SLC8A1: variants seen among roughly 807,000 people sequenced by gnomAD.
SLC8A1 encodes sodium/calcium exchanger 1.
Under a neutral mutation model 68.3 loss-of-function variants are expected in SLC8A1, and 18 were observed. The ratio of observed to expected loss-of-function variants is 0.26; its 90% CI spans 0.18 to 0.39. The LOEUF (loss-of-function observed/expected upper bound fraction) is 0.39, where lower values mean the gene tolerates loss of function less well. Among genes scored for constraint, SLC8A1 ranks in the 10% least tolerant of loss-of-function variants. The pLI is 1.00. For synonymous variants in SLC8A1, 475 were observed against 415.5 expected (o/e 1.14, Z -1.74); for missense variants, 985 against 1,156.7 (o/e 0.85, Z 2.15).
chr2:40,234,372 G>C (rs2060083398), intron 2 of SLC8A1, among the ~76,000 whole-genome samples: 1 of 151,986 alleles, frequency 6.6e-6, no homozygotes, highest in Non-Finnish European at 1.5e-5. Flanking sequence ...TTGTGAATGG[G>C]AGTTCACTCA....
intron 2 of SLC8A1, among the ~76,000 whole-genome samples, chr2:40,300,416 A>G (rs543527035): frequency 6.6e-6 from 1 of 152,126 alleles, no homozygotes; most frequent in African/African-American, 2.4e-5. Context: ...TAGAAGTTCG[A>G]GTGTTTAAAA....
exon 8 of SLC8A1, chr2:40,110,730 A>G (rs2034505667): frequency 6.6e-6 from 1 of 152,160 alleles, no homozygotes; most frequent in Non-Finnish European, 1.5e-5. Flanking sequence ...ACTGCCCAAA[A>G]TCATAGTCAG....
chr2:40,248,105 C>T (rs1239994714), intron 2 of SLC8A1, among the ~76,000 whole-genome samples: 1 of 152,114 alleles, frequency 6.6e-6, no homozygotes, highest in Non-Finnish European at 1.5e-5. Context: ...AAAAACTGCA[C>T]TCCATGGAGT....
At chr2:40,355,496 T>C (rs1418608437) in intron 2 of SLC8A1, among the ~76,000 whole-genome samples, 3 of 152,128 alleles carry the variant, frequency 2.0e-5, no homozygotes, top group Admixed American at 6.6e-5. Flanking sequence ...ACTTCTATCA[T>C]GCCAAGCTAA....
At chr2:40,160,659 C>A in intron 6 of SLC8A1, 106 bp downstream of exon 9, 1 of 895,378 alleles carries the variant, frequency 1.1e-6, no homozygotes. Flanking sequence ...CTTAATTTTG[C>A]CATGGAAGCC....
At chr2:40,356,294 GC>G (rs2149462577) in intron 2 of SLC8A1, among the ~76,000 whole-genome samples, 1 of 152,202 alleles carries the variant, frequency 6.6e-6, no homozygotes, top group Admixed American at 6.5e-5. Flanking sequence ...TGTAGTGACT[GC>G]CACATAGGAA....
rs1479960308 is a variant in SLC8A1, at chr2:40,327,637, C to T, written c.1808+100836G>A. On this transcript the variant is annotated intron_variant, in intron 2 of 7. Transcript: ENST00000406785. ...GGATGCAGCTGGAGGTCATTATCTTCAGTGAATTAATGCAGGAACAGAAAA... is the reference window on the plus strand; with the variant it reads ...GGATGCAGCTGGAGGTCATTATCTTTAGTGAATTAATGCAGGAACAGAAAA... Among the ~76,000 whole-genome samples the T allele has an allele frequency of 2.6e-5, 4 of 152,094 alleles. No homozygotes were observed. The East Asian group carries it at 7.7e-4, about 29-fold the overall frequency.
chr2:40,174,102 T>C (rs1336693388), intron 4 of SLC8A1, among the ~76,000 whole-genome samples: 1 of 152,160 alleles, frequency 6.6e-6, no homozygotes, highest in Non-Finnish European at 1.5e-5. Flanking sequence ...GAAATATTAC[T>C]CATTACCATG....
chr2:40,336,497 G>A (rs972948767), intron 2 of SLC8A1, among the ~76,000 whole-genome samples: 2 of 152,152 alleles, frequency 1.3e-5, no homozygotes, highest in Non-Finnish European at 2.9e-5. Context: ...GGCTCCTCAA[G>A]AGTTCCAGAT....
intron 2 of SLC8A1, among the ~76,000 whole-genome samples, chr2:40,349,556 G>C (rs1670406499): frequency 6.6e-6 from 1 of 152,132 alleles, no homozygotes; most frequent in South Asian, 2.1e-4. Context: ...TTTTCTCTGT[G>C]AAATGGGGTT....
intron 2 of SLC8A1, among the ~76,000 whole-genome samples, chr2:40,249,416 CA>C (rs2062390547): frequency 6.6e-6 from 1 of 152,134 alleles, no homozygotes; most frequent in African/African-American, 2.4e-5. Flanking sequence ...CAGCATTTTT[CA>C]AAATTTAGTC....
intron 2 of SLC8A1, among the ~76,000 whole-genome samples, chr2:40,357,511 A>C (rs2149467091): frequency 6.6e-6 from 1 of 151,464 alleles, no homozygotes; most frequent in Admixed American, 6.6e-5. Flanking sequence ...AAAAAAAAAA[A>C]AAAAAACACA....
At chr2:40,360,644 G>T (rs1674332339) in intron 2 of SLC8A1, among the ~76,000 whole-genome samples, 1 of 152,104 alleles carries the variant, frequency 6.6e-6, no homozygotes. Context: ...CAGAGCTGAG[G>T]CATACAGAGG....
intron 1 of SLC8A1, among the ~76,000 whole-genome samples, chr2:40,498,833 T>C (rs1353265604): frequency 1.3e-5 from 2 of 152,052 alleles, no homozygotes; most frequent in African/African-American, 4.8e-5. Context: ...AAAATCTTAA[T>C]AGAGGAAATT....
intron 2 of SLC8A1, among the ~76,000 whole-genome samples, chr2:40,373,204 G>A (rs1028341947): frequency 6.6e-6 from 1 of 152,054 alleles, no homozygotes; most frequent in Non-Finnish European, 1.5e-5. Flanking sequence ...TTACAAAAGA[G>A]TGAATGTCAA....
chr2:40,473,104 T>G (rs907455375), intron 1 of SLC8A1, among the ~76,000 whole-genome samples: 3 of 152,078 alleles, frequency 2.0e-5, no homozygotes, highest in Non-Finnish European at 4.4e-5. Context: ...CTACTCTGTT[T>G]CCCGAGTATA....
chr2:40,240,258 CTG>C (rs1344793253), intron 2 of SLC8A1, among the ~76,000 whole-genome samples: 2 of 152,212 alleles, frequency 1.3e-5, no homozygotes, highest in Non-Finnish European at 2.9e-5. Context: ...ATGGCAGGCT[CTG>C]TGCCAAGTCA....
chr2:40,286,446 C>T (rs551037674), intron 2 of SLC8A1, among the ~76,000 whole-genome samples: 6 of 152,270 alleles, frequency 3.9e-5, no homozygotes, highest in East Asian at 1.9e-4. Flanking sequence ...AAGACTACTA[C>T]ATGAATTTTA....
At chr2:40,222,480 A>C (rs562306229) in intron 2 of SLC8A1, among the ~76,000 whole-genome samples, 3 of 152,296 alleles carry the variant, frequency 2.0e-5, no homozygotes, top group Admixed American at 2.0e-4. Context: ...AGACTTCATG[A>C]CTAAAACACT....
Sources: gnomAD v4.1 joint callset for allele counts (sites outside exome capture counted in the v4.1 genomes callset) on GRCh38, gnomAD v4.1.1 for gene constraint, MANE v1.5 for transcripts, NCBI Gene and HGNC (gene_info 2026-07-23, HGNC 2026-07-21) for gene names.